The following PTPRD variants were observed in gnomAD, a reference collection of about 807,000 sequenced individuals.
The protein encoded by PTPRD is receptor-type tyrosine-protein phosphatase delta.
In PTPRD, 34 loss-of-function variants were observed where a neutral mutation model predicts 214.5. That is an observed-to-expected ratio of 0.16 (90% CI 0.12 to 0.21). PTPRD has a LOEUF of 0.21. Ranked by LOEUF, PTPRD falls within the 10% of genes least tolerant of loss-of-function variation. PTPRD has a pLI of 1.00. For synonymous variants in PTPRD, 1,128 were observed against 845.7 expected, an observed-to-expected ratio of 1.33 and a Z score of -5.79; for missense variants, 2,545 against 2,398.7, an observed-to-expected ratio of 1.06 and a Z score of -1.27.
chr9:9,918,037 A>G (rs2081432497), intron 5 of PTPRD, among the ~76,000 whole-genome samples: 2 of 152,018 alleles, frequency 1.3e-5, no homozygotes, highest in East Asian at 3.9e-4. Context: ...TATTACACAT[A>G]GTATTCGAAG....
At chr9:9,786,782 T>C (rs1389584429) in intron 5 of PTPRD, among the ~76,000 whole-genome samples, 1 of 152,030 alleles carries the variant, frequency 6.6e-6, no homozygotes, top group East Asian at 1.9e-4. Flanking sequence ...TAAAAAAAAA[T>C]CACTTGCAGG....
intron 8 of PTPRD, among the ~76,000 whole-genome samples, chr9:9,456,949 C>T (rs193128686): frequency 6.6e-6 from 1 of 151,976 alleles, no homozygotes; most frequent in East Asian, 1.9e-4. Context: ...ATAAATAAGA[C>T]ACCACAATAT....
intron 2 of PTPRD, among the ~76,000 whole-genome samples, chr9:10,354,658 C>A (rs936372349): frequency 7.2e-5 from 11 of 152,144 alleles, no homozygotes; most frequent in African/African-American, 2.6e-4. Context: ...TTTAAAATAC[C>A]TTATCTGTCA....
intron 5 of PTPRD, among the ~76,000 whole-genome samples, chr9:9,871,967 A>T (rs1369075966): frequency 1.3e-5 from 2 of 152,178 alleles, no homozygotes; most frequent in African/African-American, 4.8e-5. Context: ...AACACTCTAC[A>T]TGTATAACTT....
intron 5 of PTPRD, among the ~76,000 whole-genome samples, chr9:9,816,291 G>C (rs888493976): frequency 6.6e-6 from 1 of 151,942 alleles, no homozygotes; most frequent in South Asian, 2.1e-4. Context: ...TTCAAACCTA[G>C]AAAACTACTT....
intron 21 of PTPRD, among the ~76,000 whole-genome samples, chr9:8,512,024 T>A (rs1312125780): frequency 2.6e-5 from 4 of 152,158 alleles, no homozygotes. Context: ...AAAGAAAGGT[T>A]GACACATATT....
intron 9 of PTPRD, among the ~76,000 whole-genome samples, chr9:9,380,879 T>G (rs2062027046): frequency 6.6e-6 from 1 of 152,188 alleles, no homozygotes; most frequent in African/African-American, 2.4e-5. Flanking sequence ...TAGGTGTATA[T>G]ATGTTAATAA....
intron 11 of PTPRD, among the ~76,000 whole-genome samples, chr9:8,879,189 G>T (rs1490353384): frequency 2.0e-5 from 3 of 152,166 alleles, no homozygotes; most frequent in African/African-American, 7.2e-5. Flanking sequence ...CATGAGCTCA[G>T]GAAAATAAGA....
rs563096513 is a variant in PTPRD at position 10,002,792 on chromosome 9, T to TA, written c.-472+30925dup. On this transcript the variant is annotated intron_variant, in intron 4 of 45. Coordinates refer to ENST00000381196, the MANE Select transcript of PTPRD (RefSeq NM_002839.4). Reference sequence around the variant, plus strand: ...ATAGATAAAATGAAAAAGTAGATGATAAAAAAAAAAGACTTCAATAACACT... The same window carrying TA: ...ATAGATAAAATGAAAAAGTAGATGATAAAAAAAAAAAGACTTCAATAACACT... Among the ~76,000 whole-genome samples the TA allele has an allele frequency of 3.9e-3, 568 of 145,216 alleles. 1 individual carries two copies. The highest frequency in any genetic ancestry group is 5.2e-3 in the Non-Finnish European group (339 of 65,538).
chr9:9,679,121 G>GAAA (rs35030963), intron 7 of PTPRD, among the ~76,000 whole-genome samples: 1,865 of 141,424 alleles, frequency 0.013, 44 homozygotes, highest in African/African-American at 0.045. Flanking sequence ...GAAAAAGGGG[G>GAAA]AAAAAAAAAA....
intron 2 of PTPRD, among the ~76,000 whole-genome samples, chr9:10,371,692 C>T (rs566602440): frequency 6.6e-6 from 1 of 152,022 alleles, no homozygotes; most frequent in Non-Finnish European, 1.5e-5. Context: ...GACAAATATA[C>T]ACATGAAGTA....
intron 11 of PTPRD, among the ~76,000 whole-genome samples, chr9:8,953,811 C>T (rs1245874384): frequency 1.3e-5 from 2 of 151,914 alleles, no homozygotes; most frequent in Non-Finnish European, 2.9e-5. Flanking sequence ...CCATCTCACA[C>T]CAGTCAGAAT....
chr9:9,906,694 A>G (rs2077664697), intron 5 of PTPRD, among the ~76,000 whole-genome samples: 1 of 152,012 alleles, frequency 6.6e-6, no homozygotes, highest in Admixed American at 6.6e-5. Context: ...TATTATATGT[A>G]GACAATTCAT....
chr9:8,481,550 T>G (rs1488563473), intron 30 of PTPRD, among the ~76,000 whole-genome samples: 1 of 152,174 alleles, frequency 6.6e-6, no homozygotes, highest in African/African-American at 2.4e-5. Context: ...CTTTTTGAAT[T>G]TTTCTCCTTC....
At chr9:9,227,326 G>C (rs1431709434) in intron 9 of PTPRD, among the ~76,000 whole-genome samples, 2 of 152,066 alleles carry the variant, frequency 1.3e-5, no homozygotes, top group Non-Finnish European at 2.9e-5. Flanking sequence ...TATGGGAGAA[G>C]ACCGAGATTC....
intron 5 of PTPRD, among the ~76,000 whole-genome samples, chr9:9,928,210 G>T (rs962513671): frequency 1.3e-5 from 2 of 152,112 alleles, no homozygotes; most frequent in East Asian, 3.8e-4. Context: ...TTAAATTTCA[G>T]ATCATGAAGT....
chr9:8,582,141 G>A (rs1293228663), intron 14 of PTPRD, among the ~76,000 whole-genome samples: 1 of 152,078 alleles, frequency 6.6e-6, no homozygotes, highest in Non-Finnish European at 1.5e-5. Context: ...AGGGAAATCT[G>A]CTATGAGACA....
chr9:9,548,397 C>CTTTTTTTTTTTTTTTTTTTTTTTTT (rs1184128772), intron 8 of PTPRD, among the ~76,000 whole-genome samples: 2 of 134,602 alleles, frequency 1.5e-5, no homozygotes. Context: ...GTATATGTGA[C>CTTTTTTTTTTTTTTTTTTTTTTTTT]TTTTTTTCTT....
In PTPRD at chr9:8,341,178, G is replaced by C. The variant is rs199674759; in HGVS notation, c.5038C>G (p.Pro1680Ala). The stretch of plus-strand genomic sequence containing the variant: ...AGGCATACCCTTGTGGATTCATATG[G>C]CATAATATTAACAAGGCGATTTTTG... ...KFKNRLVNIM[P>A]YESTRVCLQP... is the part of the protein sequence containing the mutation. The change falls in exon 41 of 46, where the codon CCA becomes GCA. Residue 1680 changes from proline (P) to alanine (A), a missense_variant. Transcript: ENST00000381196. The C allele has an allele frequency of 2.5e-6, 4 of 1,612,768 alleles. No individual in the cohort carries two copies. Among genetic ancestry groups the C allele is most frequent in the Non-Finnish European group, 3.4e-6 (4 of 1,179,302 alleles).
Sources: gnomAD v4.1 joint callset for allele counts (sites outside exome capture counted in the v4.1 genomes callset) on GRCh38, gnomAD v4.1.1 for gene constraint, MANE v1.5 for transcripts, NCBI Gene and HGNC (gene_info 2026-07-23, HGNC 2026-07-21) for gene names.